LANCL1: variants seen among roughly 807,000 people sequenced by gnomAD.
The protein encoded by LANCL1 is glutathione S-transferase LANCL1.
In LANCL1, 50 loss-of-function variants were observed where a neutral mutation model predicts 50.6. The observed-to-expected ratio is 0.99, with a 90% CI of 0.79 to 1.25. The LOEUF (loss-of-function observed/expected upper bound fraction) is 1.25, where lower values mean the gene tolerates loss of function less well. Among genes scored for constraint, LANCL1 ranks in the 50% most tolerant of loss-of-function variants. The pLI, the probability that LANCL1 is intolerant of heterozygous loss-of-function variation, is 0.00. For synonymous variants in LANCL1, 188 were observed against 178.6 expected, an observed-to-expected ratio of 1.05 and a Z score of -0.42; for missense variants, 532 against 480.7, an observed-to-expected ratio of 1.11 and a Z score of -1.00.
intron 4 of LANCL1, among the ~76,000 whole-genome samples, chr2:210,452,480 A>G (rs1291547353): frequency 6.6e-6 from 1 of 152,140 alleles, no homozygotes; most frequent in Non-Finnish European, 1.5e-5. Context: ...AATTAATGCA[A>G]TGTATTGTCC....
intron 3 of LANCL1, among the ~76,000 whole-genome samples, chr2:210,467,469 C>T (rs1694101939): frequency 1.3e-5 from 2 of 152,166 alleles, no homozygotes; most frequent in Admixed American, 1.3e-4. Context: ...TATAATGATC[C>T]ACTTCCACTC....
chr2:210,467,511 T>A (rs978015066), intron 3 of LANCL1, among the ~76,000 whole-genome samples: 3 of 152,242 alleles, frequency 2.0e-5, no homozygotes, highest in African/African-American at 7.2e-5. Flanking sequence ...CCCTTCCTTA[T>A]GATTTTCTTA....
At chr2:210,435,576 G>T in intron 8 of LANCL1, 117 bp from the exon 9 acceptor site, 1 of 760,776 alleles carries the variant, frequency 1.3e-6, no homozygotes, top group Non-Finnish European at 2.3e-6. Context: ...TCACATCAGA[G>T]AAAGGAGATT....
chr2:210,451,077 C>A lies in LANCL1; in HGVS notation c.407+4030G>T, dbSNP rs1219571017. Among the ~76,000 whole-genome samples, 3 of 152,158 alleles carry A rather than the reference C, an allele frequency of 2.0e-5. No homozygotes were observed. In the East Asian group the frequency reaches 5.8e-4, roughly 29 times the overall value. ...CACAATAGCAAAGACATGGAACCAA[C>A]CCAAATGTCCACCAAAGATAGACTG... On this transcript the variant is annotated intron_variant, in intron 4 of 9. Coordinates refer to ENST00000450366, the MANE Select transcript of LANCL1 (RefSeq NM_006055.3).
At position 210,476,610 on chromosome 2, in the gene LANCL1, C is replaced by T. The variant is rs1020709559; in HGVS notation, c.-17+10G>A. 40 of 1,349,102 alleles carry T rather than the reference C, an allele frequency of 3.0e-5. No homozygotes were observed. Among genetic ancestry groups the T allele is most frequent in the Non-Finnish European group, 4.8e-6 (5 of 1,050,274 alleles). 83.6% of individuals were successfully genotyped at this position (1,349,102 alleles called of 1,614,324 possible). ...CCTTCGCGAAAAAGCTGCCAGGGCC[C>T]TTAACCCACCCGGACAAAGAGGCCC... On this transcript the variant is annotated intron_variant, in intron 1 of 9. Transcript: ENST00000450366.
chr2:210,440,080 G>A (rs55997801), intron 6 of LANCL1, among the ~76,000 whole-genome samples: 1 of 152,122 alleles, frequency 6.6e-6, no homozygotes, highest in Non-Finnish European at 1.5e-5. Flanking sequence ...AATAGTATTA[G>A]ATCCCAAGAA....
chr2:210,445,360 C>T (rs558041005), intron 4 of LANCL1, among the ~76,000 whole-genome samples: 2 of 152,304 alleles, frequency 1.3e-5, no homozygotes, highest in South Asian at 4.1e-4. Context: ...CAGCCAAACA[C>T]ATTTGCATTT....
At chr2:210,471,863 C>T in intron 3 of LANCL1, 96 bp downstream of exon 3, 1 of 867,696 alleles carries the variant, frequency 1.2e-6, no homozygotes, top group South Asian at 1.4e-5. Context: ...ATGCAGGAAG[C>T]ATTTAAGGGT....
At chr2:210,476,462 C>A (rs925140836) in intron 1 of LANCL1, 50 bp from the exon 2 acceptor site, 13 of 1,491,248 alleles carry the variant, frequency 8.7e-6, no homozygotes, top group Non-Finnish European at 1.2e-5. Context: ...GGGCCTCGGC[C>A]GAGTTGCGAG....
intron 3 of LANCL1, among the ~76,000 whole-genome samples, chr2:210,458,765 T>G (rs1693744265): frequency 6.6e-6 from 1 of 152,170 alleles, no homozygotes; most frequent in Non-Finnish European, 1.5e-5. Flanking sequence ...TACAGTTGTA[T>G]CCATTAATAA....
intron 3 of LANCL1, 128 bp from the exon 4 acceptor site, chr2:210,455,442 G>T (rs1693645355): frequency 6.6e-6 from 5 of 756,370 alleles, no homozygotes. Flanking sequence ...CTGGAAGTTT[G>T]GGTGACTTTA....
At chr2:210,474,329 C>G (rs1189919660) in intron 2 of LANCL1, among the ~76,000 whole-genome samples, 1 of 152,198 alleles carries the variant, frequency 6.6e-6, no homozygotes, top group Non-Finnish European at 1.5e-5. Flanking sequence ...TACTTCCTTT[C>G]TAGGACCTGT....
In LANCL1 at chr2:210,446,171, C is replaced by A. The variant is rs1559710620; in HGVS notation, c.408-4728G>T. Among the ~76,000 whole-genome samples, 6 of 152,312 alleles carry A rather than the reference C, an allele frequency of 3.9e-5. No individual in the cohort carries two copies. In the South Asian group the frequency reaches 1.2e-3, roughly 32 times the overall value. On this transcript the variant is annotated intron_variant, in intron 4 of 9. Coordinates refer to ENST00000450366, the MANE Select transcript of LANCL1 (RefSeq NM_006055.3). ...CCCCCTGTGCTTCCTGACTGGGAGA[C>A]ACCTCCCAGCAGGGGTCGACAGACA... is the stretch of plus-strand genomic sequence containing the variant.
rs936935261 is a variant in LANCL1, at chr2:210,432,354, T to C, written c.*2133A>G. On this transcript the variant is annotated 3_prime_UTR_variant, in exon 10 of 10. Coordinates refer to ENST00000450366, the MANE Select transcript of LANCL1 (RefSeq NM_006055.3). ...GGATGAATTTGCTAACTGATGACAG[T>C]AGCTAACCCATTTATGCTGGGGGTT... 2 of 152,180 alleles carry C rather than the reference T, an allele frequency of 1.3e-5. No homozygotes were observed. The highest frequency in any genetic ancestry group is 4.8e-5 in the African/African-American group (2 of 41,454). 9.4% of individuals were successfully genotyped at this position (152,180 alleles called of 1,614,324 possible).
rs145868894 is a variant in LANCL1, at chr2:210,459,998, C to G, written c.200-4684G>C. Among the ~76,000 whole-genome samples, 335 of 152,116 alleles carry G rather than the reference C, an allele frequency of 2.2e-3. 1 individual carries two copies. The highest frequency in any genetic ancestry group is 7.8e-3 in the African/African-American group (323 of 41,512). Reference sequence around the variant, plus strand: ...CTGTTGAGAAGTAATTAATACTAAGCCTTTGAATTTCTGACGGATCATTAG... The same window carrying G: ...CTGTTGAGAAGTAATTAATACTAAGGCTTTGAATTTCTGACGGATCATTAG... On this transcript the variant is annotated intron_variant, in intron 3 of 9. Transcript: ENST00000450366.
In LANCL1 at chr2:210,436,216, C is replaced by G. The variant is rs1360885937; in HGVS notation, c.1050G>C (p.Lys350Asn). The change falls in exon 8 of 10, where the codon AAG becomes AAC. Residue 350 changes from lysine to asparagine, a missense_variant and splice_region_variant. By Grantham distance (94) the Lys-to-Asn change is moderately conservative. Coordinates refer to ENST00000450366, the MANE Select transcript of LANCL1 (RefSeq NM_006055.3). ...TCTATTTGGTGGTTCTGACTCCTAC[C>G]TTACAGGCCCTATACAGGTACTTCA... is the stretch of plus-strand genomic sequence containing the variant. ...QDMKYLYRACKFAEWCLEYGE... is the reference protein window; with the variant it reads ...QDMKYLYRACNFAEWCLEYGE... 3 of 1,613,300 alleles carry G rather than the reference C, an allele frequency of 1.9e-6. No individual in the cohort carries two copies. The South Asian group carries it at 3.3e-5, about 18-fold the overall frequency.
intron 3 of LANCL1, among the ~76,000 whole-genome samples, chr2:210,459,330 CTG>C (rs1447373019): frequency 6.6e-6 from 1 of 152,008 alleles, no homozygotes; most frequent in African/African-American, 2.4e-5. Flanking sequence ...AGACCAGAAA[CTG>C]TAAAACAACT....
chr2:210,472,172 T>C lies in LANCL1; in HGVS notation c.82-96A>G. 5.1e-6 allele frequency: 4 copies of C among 790,388 alleles called. No homozygotes were observed. In the South Asian group the frequency reaches 6.4e-5, roughly 13 times the overall value. 49.0% of individuals were successfully genotyped at this position (790,388 alleles called of 1,614,324 possible). The stretch of plus-strand genomic sequence containing the variant: ...AGACAGAAAGGTATTTCTTTTCCAC[T>C]TAGGACATATTTTTCCACCTGGAAG... On this transcript the variant is annotated intron_variant, in intron 2 of 9. Coordinates refer to ENST00000450366, the MANE Select transcript of LANCL1 (RefSeq NM_006055.3).
At chr2:210,452,252 C>T (rs1015717823) in intron 4 of LANCL1, among the ~76,000 whole-genome samples, 1 of 151,724 alleles carries the variant, frequency 6.6e-6, no homozygotes, top group African/African-American at 2.4e-5. Context: ...AAAAAGATGT[C>T]CATTACTGAC....
Sources: gnomAD v4.1 joint callset for allele counts (sites outside exome capture counted in the v4.1 genomes callset) on GRCh38, gnomAD v4.1.1 for gene constraint, MANE v1.5 for transcripts, NCBI Gene and HGNC (gene_info 2026-07-23, HGNC 2026-07-21) for gene names.